The following LDLRAD3 variants were observed in gnomAD, a reference collection of about 807,000 sequenced individuals.
LDLRAD3 encodes low density lipoprotein receptor class A domain containing 3.
Under a neutral mutation model 29.4 loss-of-function variants are expected in LDLRAD3, and 20 were observed. The ratio of observed to expected loss-of-function variants is 0.68; its 90% confidence interval spans 0.48 to 0.99. The LOEUF (loss-of-function observed/expected upper bound fraction) is 0.99, where lower values mean the gene tolerates loss of function less well. LDLRAD3 is among the 50% of genes least tolerant of loss of function. The pLI, the probability that LDLRAD3 is intolerant of heterozygous loss-of-function variation, is 0.00. For synonymous variants in LDLRAD3, 157 were observed against 192.7 expected (o/e 0.81, Z 1.53); for missense variants, 420 against 454.3 (o/e 0.92, Z 0.69).
intron 1 of LDLRAD3, among the ~76,000 whole-genome samples, chr11:36,026,407 C>T (rs761357695): frequency 2.0e-4 from 31 of 152,188 alleles, no homozygotes; most frequent in Non-Finnish European, 3.4e-4. Flanking sequence ...CATGTTTGTC[C>T]CTAGGCCTAG....
intron 1 of LDLRAD3, among the ~76,000 whole-genome samples, chr11:35,965,755 C>T (rs948911736): frequency 6.6e-6 from 1 of 151,950 alleles, no homozygotes; most frequent in Non-Finnish European, 1.5e-5. Context: ...CAGAGACACA[C>T]TATTTTTTTT....
chr11:36,077,426 C>G (rs553308759), intron 2 of LDLRAD3, among the ~76,000 whole-genome samples: 2 of 152,354 alleles, frequency 1.3e-5, no homozygotes, highest in Admixed American at 6.5e-5. Flanking sequence ...TGCTGGGCTT[C>G]TCTGCCTACT....
Position 36,013,780 on chromosome 11 carries a change from G to A in LDLRAD3, c.47-22323G>A, listed in dbSNP as rs564433369. 5.0e-5 allele frequency among the ~76,000 whole-genome samples: 5 copies of A among 100,546 alleles called. No homozygotes were observed. In the South Asian group the frequency reaches 1.1e-3, roughly 23 times the overall value. The allele number at this position is 100,546 out of a possible 152,430, so 66.0% of individuals were successfully genotyped here. ...AGTTTGCAAACCCCCAGGGGAGTGTGCCTGAGTTTTTTTCCTTCTCTCTAG... is the reference window on the plus strand; with the variant it reads ...AGTTTGCAAACCCCCAGGGGAGTGTACCTGAGTTTTTTTCCTTCTCTCTAG... On this transcript the variant is annotated intron_variant, in intron 1 of 5. Transcript: ENST00000315571.
chr11:36,034,931 T>G (rs945444725), intron 1 of LDLRAD3, among the ~76,000 whole-genome samples: 2 of 152,180 alleles, frequency 1.3e-5, no homozygotes, highest in African/African-American at 4.8e-5. Flanking sequence ...TAGAGATGCT[T>G]CTCTTTGGCA....
chr11:36,076,218 A>G (rs79721781), intron 2 of LDLRAD3, among the ~76,000 whole-genome samples: 52 of 129,874 alleles, frequency 4.0e-4, no homozygotes, highest in African/African-American at 1.1e-3. Flanking sequence ...CTGTCTGTCC[A>G]TCCGTCCATC....
At chr11:36,143,052 C>G (rs1428565555) in intron 4 of LDLRAD3, among the ~76,000 whole-genome samples, 1 of 152,186 alleles carries the variant, frequency 6.6e-6, no homozygotes, top group East Asian at 1.9e-4. Context: ...AGGCACTATG[C>G]TAAGTGCTTA....
chr11:36,054,989 G>A (rs983010542), intron 2 of LDLRAD3, among the ~76,000 whole-genome samples: 8 of 142,732 alleles, frequency 5.6e-5, no homozygotes, highest in Non-Finnish European at 9.1e-5. Flanking sequence ...ATGGATGGAT[G>A]GATGGATGGA....
At chr11:36,088,033 A>T (rs1277900837) in intron 3 of LDLRAD3, among the ~76,000 whole-genome samples, 1 of 151,820 alleles carries the variant, frequency 6.6e-6, no homozygotes, top group Non-Finnish European at 1.5e-5. Context: ...TTAAAAAAAA[A>T]AGGTAGAGAT....
intron 2 of LDLRAD3, among the ~76,000 whole-genome samples, chr11:36,062,142 T>A (rs772398303): frequency 7.9e-5 from 12 of 152,220 alleles, no homozygotes; most frequent in Non-Finnish European, 1.3e-4. Context: ...AAGGTCACGG[T>A]TCTGGTAAGG....
intron 4 of LDLRAD3, among the ~76,000 whole-genome samples, chr11:36,195,188 C>T (rs535658426): frequency 6.6e-6 from 1 of 152,328 alleles, no homozygotes; most frequent in South Asian, 2.1e-4. Context: ...TCATCTTCAT[C>T]ATCATCATTA....
intron 1 of LDLRAD3, among the ~76,000 whole-genome samples, chr11:35,999,979 C>T (rs2133176576): frequency 6.6e-6 from 1 of 152,304 alleles, no homozygotes; most frequent in East Asian, 1.9e-4. Context: ...GAAATGGCCT[C>T]ATTATCCATC....
At chr11:36,056,239 C>T (rs978945771) in intron 2 of LDLRAD3, among the ~76,000 whole-genome samples, 7 of 152,150 alleles carry the variant, frequency 4.6e-5, no homozygotes, top group African/African-American at 1.7e-4. Context: ...GTGATCCACC[C>T]GCCGCGGCCT....
At chr11:36,107,204 CTT>C (rs1282766992) in intron 4 of LDLRAD3, among the ~76,000 whole-genome samples, 10 of 143,806 alleles carry the variant, frequency 7.0e-5, no homozygotes, top group Admixed American at 7.0e-5. Flanking sequence ...TTTTCTTTTT[CTT>C]TTTTTTTTTT....
At chr11:35,997,428 C>T (rs919750732) in intron 1 of LDLRAD3, 2 of 408,374 alleles carry the variant, frequency 4.9e-6, no homozygotes, top group Non-Finnish European at 4.8e-6. Flanking sequence ...TCCTTGAGGG[C>T]TTTGCAGAAA....
intron 4 of LDLRAD3, among the ~76,000 whole-genome samples, chr11:36,124,408 G>T (rs1853805367): frequency 6.6e-6 from 1 of 152,150 alleles, no homozygotes; most frequent in African/African-American, 2.4e-5. Context: ...TATAAGGTAG[G>T]TATTCTTATT....
intron 1 of LDLRAD3, among the ~76,000 whole-genome samples, chr11:35,998,074 G>T (rs1344746024): frequency 1.3e-5 from 2 of 152,158 alleles, no homozygotes; most frequent in African/African-American, 4.8e-5. Flanking sequence ...GAGGGTGCTT[G>T]CACCACCTGT....
intron 4 of LDLRAD3, among the ~76,000 whole-genome samples, chr11:36,098,744 T>G (rs1357201773): frequency 3.3e-5 from 5 of 152,254 alleles, no homozygotes; most frequent in African/African-American, 1.2e-4. Flanking sequence ...CATACTGTCA[T>G]GTTACTCTCC....
At chr11:35,982,048 C>G (rs1353818939) in intron 1 of LDLRAD3, among the ~76,000 whole-genome samples, 3 of 152,054 alleles carry the variant, frequency 2.0e-5, no homozygotes, top group Admixed American at 1.3e-4. Context: ...TGCCTGCACT[C>G]AGGAACAGGC....
chr11:36,036,383 C>T, intron 2 of LDLRAD3, 134 bp downstream of exon 2: 1 of 944,610 alleles, frequency 1.1e-6, no homozygotes, highest in Non-Finnish European at 1.6e-6. Flanking sequence ...TGCCAGCAGT[C>T]CTGCTTCTTT....
Sources: gnomAD v4.1 joint callset for allele counts (sites outside exome capture counted in the v4.1 genomes callset) on GRCh38, gnomAD v4.1.1 for gene constraint, MANE v1.5 for transcripts, NCBI Gene and HGNC (gene_info 2026-07-23, HGNC 2026-07-21) for gene names.